Variants in ARB2A observed in about 807,000 individuals in gnomAD.
The protein encoded by ARB2A is ARB2 cotranscriptional regulator A.
the ARB2A span, among the ~76,000 whole-genome samples, chr5:93,966,406 C>T: frequency 6.6e-6 from 1 of 152,064 alleles, no homozygotes; most frequent in East Asian, 1.9e-4. Context: ...TTACTAGGTA[C>T]ATCAGTTAAT....
the ARB2A span, among the ~76,000 whole-genome samples, chr5:93,784,020 C>T: frequency 9.9e-5 from 15 of 152,058 alleles, no homozygotes; most frequent in Admixed American, 1.3e-4. Context: ...GTACCTTATG[C>T]GTCTTTCTTG....
the ARB2A span, among the ~76,000 whole-genome samples, chr5:93,994,204 C>T: frequency 6.6e-6 from 1 of 152,206 alleles, no homozygotes; most frequent in African/African-American, 2.4e-5. Context: ...CTCAAAGAGA[C>T]ATCTGCACTC....
At chr5:93,708,562 A>G in the ARB2A span, among the ~76,000 whole-genome samples, 49 of 152,204 alleles carry the variant, frequency 3.2e-4, no homozygotes, top group Non-Finnish European at 6.6e-4. Context: ...TGGAGTTGAC[A>G]GCAGGATTCC....
the ARB2A span, among the ~76,000 whole-genome samples, chr5:93,728,085 G>A: frequency 2.0e-5 from 3 of 151,786 alleles, no homozygotes; most frequent in African/African-American, 4.8e-5. Flanking sequence ...ATATATATAC[G>A]GTTTTCTCAT....
the ARB2A span, among the ~76,000 whole-genome samples, chr5:93,781,032 T>A: frequency 6.8e-3 from 1,039 of 152,312 alleles, 5 homozygotes; most frequent in Non-Finnish European, 0.011. Context: ...CTTTTTTTTA[T>A]AGATTTAGGG....
the ARB2A span, among the ~76,000 whole-genome samples, chr5:94,022,869 A>T: frequency 6.6e-6 from 1 of 152,248 alleles, no homozygotes; most frequent in Non-Finnish European, 1.5e-5. Flanking sequence ...GTCAACACAA[A>T]TCAGACCATG....
the ARB2A span, among the ~76,000 whole-genome samples, chr5:94,032,547 T>A: frequency 1.3e-5 from 2 of 151,968 alleles, no homozygotes; most frequent in South Asian, 4.1e-4. Flanking sequence ...CAAGACAACA[T>A]GAGATTTGTT....
chr5:93,643,626 C>G, the ARB2A span, among the ~76,000 whole-genome samples: 2 of 152,122 alleles, frequency 1.3e-5, no homozygotes, highest in African/African-American at 4.8e-5. Flanking sequence ...TCCCGAGTAG[C>G]TGGGATTACA....
the ARB2A span, among the ~76,000 whole-genome samples, chr5:93,709,684 T>G: frequency 4.3e-4 from 28 of 65,188 alleles, no homozygotes; most frequent in Middle Eastern, 0.039. Context: ...AAAAAGAAAA[T>G]AAATTGCAGA....
chr5:93,881,474 A>C, the ARB2A span: 1 of 1,608,094 alleles, frequency 6.2e-7, no homozygotes, highest in East Asian at 2.2e-5. Flanking sequence ...ACTCACTCTG[A>C]TATACAATTG....
the ARB2A span, among the ~76,000 whole-genome samples, chr5:93,948,835 A>C: frequency 1.3e-5 from 2 of 152,206 alleles, no homozygotes; most frequent in Admixed American, 6.5e-5. Flanking sequence ...AAGCCTCTTA[A>C]GTAGCTGGCA....
the ARB2A span, among the ~76,000 whole-genome samples, chr5:93,940,373 C>T: frequency 6.6e-6 from 1 of 151,906 alleles, no homozygotes; most frequent in Non-Finnish European, 1.5e-5. Context: ...AGTTAAAACA[C>T]TGTTATGTTA....
chr5:93,946,924 TTC>T, the ARB2A span, among the ~76,000 whole-genome samples: 3 of 152,208 alleles, frequency 2.0e-5, no homozygotes, highest in African/African-American at 7.2e-5. Context: ...TCCTATTTTT[TTC>T]TGTTGCTTCT....
At chr5:94,071,306 A>G in the ARB2A span, among the ~76,000 whole-genome samples, 1 of 152,120 alleles carries the variant, frequency 6.6e-6, no homozygotes, top group Admixed American at 6.5e-5. Context: ...AAGAATGCAT[A>G]GGAGAAAACC....
chr5:93,722,611 GA>G, the ARB2A span, among the ~76,000 whole-genome samples: 1 of 152,082 alleles, frequency 6.6e-6, no homozygotes, highest in Admixed American at 6.6e-5. Context: ...AATGGGAAAA[GA>G]AAAAGAGTGA....
chr5:93,617,863 TTGTAAAAG>T, the ARB2A span, among the ~76,000 whole-genome samples: 4 of 152,286 alleles, frequency 2.6e-5, no homozygotes, highest in Middle Eastern at 3.4e-3. Flanking sequence ...AATGTTAGCT[TTGTAAAAG>T]GTGCAAGCCA....
the ARB2A span, among the ~76,000 whole-genome samples, chr5:93,781,693 T>G: frequency 1.1e-4 from 16 of 151,638 alleles, no homozygotes; most frequent in East Asian, 2.9e-3. Context: ...AACATCTGTT[T>G]TTTTTTTTTT....
the ARB2A span, among the ~76,000 whole-genome samples, chr5:93,664,644 T>A: frequency 1.4e-5 from 2 of 147,824 alleles, no homozygotes; most frequent in African/African-American, 4.9e-5. Flanking sequence ...AATATATATA[T>A]ATATATATAA....
At chr5:93,915,824 T>C in the ARB2A span, among the ~76,000 whole-genome samples, 6 of 152,042 alleles carry the variant, frequency 3.9e-5, no homozygotes, top group African/African-American at 1.4e-4. Flanking sequence ...AGATACTTCA[T>C]GTTGGGTAGC....
Sources: allele counts gnomAD v4.1 joint callset (sites outside exome capture counted in the v4.1 genomes callset), GRCh38; gene constraint gnomAD v4.1.1; transcripts MANE v1.5; gene names NCBI Gene and HGNC (gene_info 2026-07-23, HGNC 2026-07-21).